Variants in DOCK3 observed in about 807,000 individuals in gnomAD.
DOCK3 encodes the protein dedicator of cytokinesis protein 3.
In DOCK3, 60 loss-of-function variants were observed where a neutral mutation model predicts 265.6. That is an observed-to-expected ratio of 0.23 (90% CI 0.18 to 0.28). The LOEUF is 0.28. Ranked by LOEUF, DOCK3 falls within the 10% of genes least tolerant of loss-of-function variation. The probability of loss-of-function intolerance (pLI) is 1.00; values close to 1 mark genes in which losing one functional copy is unlikely to be tolerated. For synonymous variants in DOCK3, 881 were observed against 938.0 expected, an observed-to-expected ratio of 0.94 and a Z score of 1.11; for missense variants, 1,981 against 2,594.3, an observed-to-expected ratio of 0.76 and a Z score of 5.14.
intron 23 of DOCK3, among the ~76,000 whole-genome samples, chr3:51,267,996 C>T (rs915360387): frequency 1.3e-5 from 2 of 151,566 alleles, no homozygotes; most frequent in Non-Finnish European, 1.5e-5. Context: ...TGTTGGGGGT[C>T]GGGGGACTAG....
At chr3:51,226,556 G>T (rs139829967) in intron 15 of DOCK3, among the ~76,000 whole-genome samples, 3 of 152,342 alleles carry the variant, frequency 2.0e-5, no homozygotes, top group African/African-American at 7.2e-5. Flanking sequence ...AATAGTAGTA[G>T]AAACAACGAT....
At chr3:50,834,044 G>A (rs915702393) in intron 2 of DOCK3, among the ~76,000 whole-genome samples, 1 of 151,820 alleles carries the variant, frequency 6.6e-6, no homozygotes, top group African/African-American at 2.4e-5. Flanking sequence ...AGATTACTTT[G>A]AACTTTTATT....
Position 50,878,390 on chromosome 3 carries a change from T to C in DOCK3, c.163-11636T>C, listed in dbSNP as rs866513013. On this transcript the variant is annotated intron_variant, in intron 3 of 52. Transcript: ENST00000266037. ...GAAGCTAAAAACCTTGAAAAAAGAT[T>C]AGATGGGTGGCTAACTAGAATAAAC... Among the ~76,000 whole-genome samples the C allele has an allele frequency of 4.6e-5, 7 of 152,154 alleles. No homozygotes were observed. In the South Asian group the frequency reaches 8.3e-4, roughly 18 times the overall value.
At chr3:51,223,030 C>T (rs773335963) in intron 14 of DOCK3, among the ~76,000 whole-genome samples, 4 of 152,146 alleles carry the variant, frequency 2.6e-5, no homozygotes, top group Admixed American at 2.0e-4. Context: ...CCTCAAACTC[C>T]GGGGCTCAAG....
intron 2 of DOCK3, among the ~76,000 whole-genome samples, chr3:50,786,262 G>T (rs2042181534): frequency 6.6e-6 from 1 of 151,964 alleles, no homozygotes; most frequent in Non-Finnish European, 1.5e-5. Flanking sequence ...TTAATCAGCT[G>T]ATATGAAATT....
intron 5 of DOCK3, among the ~76,000 whole-genome samples, chr3:51,023,733 A>C (rs1349434057): frequency 6.6e-6 from 1 of 151,874 alleles, no homozygotes; most frequent in African/African-American, 2.4e-5. Context: ...TTTTCTTTAT[A>C]GTTATCTATC....
chr3:50,797,310 A>G (rs2042843510), intron 2 of DOCK3, among the ~76,000 whole-genome samples: 1 of 152,232 alleles, frequency 6.6e-6, no homozygotes, highest in African/African-American at 2.4e-5. Flanking sequence ...GTAGTCACTC[A>G]GAAAGTGGGA....
chr3:51,172,662 A>AT (rs1379343972), intron 12 of DOCK3, among the ~76,000 whole-genome samples: 1 of 151,910 alleles, frequency 6.6e-6, no homozygotes, highest in Non-Finnish European at 1.5e-5. Flanking sequence ...CTGTTCTATG[A>AT]TTTTTTTGGT....
At chr3:50,924,700 A>G (rs76201741) in intron 4 of DOCK3, among the ~76,000 whole-genome samples, 4,574 of 152,276 alleles carry the variant, frequency 0.03, 569 homozygotes, top group East Asian at 0.23. Context: ...GCCCACTGCT[A>G]CCGGTCAGTT....
intron 3 of DOCK3, among the ~76,000 whole-genome samples, chr3:50,878,497 A>G (rs34058795): frequency 0.099 from 15,088 of 152,276 alleles, 927 homozygotes; most frequent in Non-Finnish European, 0.13. Flanking sequence ...AAGCTTCAGT[A>G]GCTGATTTGA....
At chr3:51,214,018 G>C (rs1560220098) in intron 13 of DOCK3, 104 bp from the exon 14 acceptor site, 1 of 1,490,160 alleles carries the variant, frequency 6.7e-7, no homozygotes, top group Non-Finnish European at 9.1e-7. Context: ...CAAGAATTTT[G>C]CTGAACTTTG....
chr3:51,071,175 A>G (rs932671076), intron 6 of DOCK3, among the ~76,000 whole-genome samples: 6 of 152,240 alleles, frequency 3.9e-5, no homozygotes, highest in Non-Finnish European at 8.8e-5. Context: ...TCAGGGTCTC[A>G]GAGAGCTCCA....
intron 1 of DOCK3, among the ~76,000 whole-genome samples, chr3:50,724,936 T>A (rs939262325): frequency 3.2e-4 from 48 of 151,424 alleles, no homozygotes; most frequent in Non-Finnish European, 6.0e-4. Flanking sequence ...GAGGTTGCAG[T>A]GAGCCGAGAT....
intron 6 of DOCK3, among the ~76,000 whole-genome samples, chr3:51,066,464 AT>A (rs2109294968): frequency 6.6e-6 from 1 of 152,320 alleles, no homozygotes; most frequent in East Asian, 1.9e-4. Context: ...AAGTGTTATC[AT>A]TAGCACTGGA....
intron 4 of DOCK3, among the ~76,000 whole-genome samples, chr3:50,902,591 T>A (rs2049258250): frequency 6.6e-6 from 1 of 152,228 alleles, no homozygotes; most frequent in African/African-American, 2.4e-5. Context: ...AGCCTTGTAG[T>A]ATAATTTGAA....
chr3:50,704,894 G>A (rs980180138), intron 1 of DOCK3, among the ~76,000 whole-genome samples: 5 of 152,124 alleles, frequency 3.3e-5, no homozygotes, highest in Non-Finnish European at 7.4e-5. Flanking sequence ...CTCCCAAAGC[G>A]CTGGGATTAC....
At chr3:51,380,449 A>T (rs959321454) in intron 52 of DOCK3, among the ~76,000 whole-genome samples, 4 of 152,318 alleles carry the variant, frequency 2.6e-5, no homozygotes, top group Admixed American at 1.3e-4. Context: ...CACAGTACCA[A>T]GAGTGTGTGG....
At chr3:51,330,556 G>A (rs989142078) in intron 33 of DOCK3, among the ~76,000 whole-genome samples, 14 of 152,154 alleles carry the variant, frequency 9.2e-5, no homozygotes, top group Admixed American at 9.2e-4. Context: ...GCTCAATGCT[G>A]GCATTTCAAG....
chr3:50,886,075 T>C (rs1281069373), intron 3 of DOCK3, among the ~76,000 whole-genome samples: 1 of 151,892 alleles, frequency 6.6e-6, no homozygotes. Context: ...GCCTGATACA[T>C]ATGGCAAAAA....
Sources: gnomAD v4.1 joint callset for allele counts (sites outside exome capture counted in the v4.1 genomes callset) on GRCh38, gnomAD v4.1.1 for gene constraint, MANE v1.5 for transcripts, NCBI Gene and HGNC (gene_info 2026-07-23, HGNC 2026-07-21) for gene names.